CCDC3: variants seen among roughly 807,000 people sequenced by gnomAD.
The protein encoded by CCDC3 is coiled-coil domain-containing protein 3.
A neutral mutation model predicts 21.4 loss-of-function variants in CCDC3; 24 were observed. That is an observed-to-expected ratio of 1.12 (90% CI 0.81 to 1.58). The LOEUF is 1.58. Ranked by LOEUF, CCDC3 falls within the 40% of genes most tolerant of loss-of-function variation. CCDC3 has a pLI of 0.00. For missense variants in CCDC3, 425 were observed against 360.9 expected, an observed-to-expected ratio of 1.18 and a Z score of -1.44; for synonymous variants, 186 against 166.0, an observed-to-expected ratio of 1.12 and a Z score of -0.93.
intron 2 of CCDC3, among the ~76,000 whole-genome samples, chr10:12,987,346 C>T (rs558190077): frequency 7.2e-5 from 11 of 152,332 alleles, no homozygotes; most frequent in East Asian, 1.9e-4. Context: ...ATGGAATAAA[C>T]GCCCATCTGC....
chr10:12,953,920 A>G (rs1211589624), intron 2 of CCDC3, among the ~76,000 whole-genome samples: 2 of 152,112 alleles, frequency 1.3e-5, no homozygotes, highest in African/African-American at 4.8e-5. Flanking sequence ...TGTTGCAACT[A>G]CTCAACCATG....
chr10:13,095,581 T>C (rs1334446463), intron 3 of CCDC3, among the ~76,000 whole-genome samples: 3 of 152,206 alleles, frequency 2.0e-5, no homozygotes, highest in Non-Finnish European at 4.4e-5. Context: ...GCTGCTGATC[T>C]GACAAGAGGC....
intron 2 of CCDC3, among the ~76,000 whole-genome samples, chr10:12,942,852 A>T (rs115879428): frequency 0.021 from 3,204 of 152,184 alleles, 126 homozygotes; most frequent in African/African-American, 0.074. Flanking sequence ...TCTCTCGCCT[A>T]TTCAACCTTG....
rs538740274 is a variant in CCDC3 at position 13,043,797 on chromosome 10, A to G, written c.-2+5877T>C. Among the ~76,000 whole-genome samples, 19 of 152,278 alleles carry G rather than the reference A, an allele frequency of 1.2e-4. No homozygotes were observed. In the South Asian group the frequency reaches 2.9e-3, roughly 23 times the overall value. ...TGATTCCATGTCTTTGCTATTGTCAATATTGCTTGTGATGAACATATGATT... is the reference window on the plus strand; with the variant it reads ...TGATTCCATGTCTTTGCTATTGTCAGTATTGCTTGTGATGAACATATGATT... On this transcript the variant is annotated intron_variant, in intron 5 of 6. Transcript: ENST00000378839.
chr10:12,898,839 T>C (rs892950264), intron 2 of CCDC3, among the ~76,000 whole-genome samples, 160 bp from the exon 3 acceptor site: 1 of 152,118 alleles, frequency 6.6e-6, no homozygotes, highest in Non-Finnish European at 1.5e-5. Context: ...GACGGTGACA[T>C]TCCCCGCCCT....
intron 3 of CCDC3, among the ~76,000 whole-genome samples, chr10:13,090,034 G>GATATAT (rs66476163): frequency 1.2e-4 from 16 of 129,144 alleles, no homozygotes; most frequent in African/African-American, 4.3e-4. Flanking sequence ...TATTCCGTTA[G>GATATAT]ATATATATAT....
At chr10:12,965,619 T>C (rs186579827) in intron 2 of CCDC3, among the ~76,000 whole-genome samples, 125 of 152,360 alleles carry the variant, frequency 8.2e-4, no homozygotes, top group Non-Finnish European at 1.5e-3. Flanking sequence ...ACACTAATTT[T>C]TTGCTGTAAC....
At position 12,989,886 on chromosome 10, in the gene CCDC3, T is replaced by C. The variant is rs528618309; in HGVS notation, c.549+8452A>G. On this transcript the variant is annotated intron_variant, in intron 2 of 2. Coordinates refer to ENST00000378825, the MANE Select transcript of CCDC3 (RefSeq NM_031455.4). ...CGCAAATCAAGATAGTGGGACCAGA[T>C]GATTCTAGCAGTCATTGCATTCTTC... Among the ~76,000 whole-genome samples, 55 of 152,004 alleles carry C rather than the reference T, an allele frequency of 3.6e-4. 1 individual carries two copies. The South Asian group carries it at 0.011, about 29-fold the overall frequency.
rs1179186067 is a variant in CCDC3 at position 13,074,147 on chromosome 10, ATATATAT to A, written c.-502-54_-502-48del. 625 of 64,404 alleles carry A rather than the reference ATATATAT, an allele frequency of 9.7e-3. 4 individuals carry two copies. The highest frequency in any genetic ancestry group is 0.025 in the African/African-American group (423 of 16,764). The allele number at this position is 64,404 out of a possible 1,614,324, so 4.0% of individuals were successfully genotyped here. A position where few individuals can be genotyped will look rare whatever the true frequency, so the allele number is the denominator to read the frequency against. On this transcript the variant is annotated intron_variant, in intron 3 of 6. Transcript: ENST00000378839. ...GAATCAAATATATATATATATATAT[ATATATAT>A]TTTTTTTTTTTTTTTTTTTTGAGAC...
intron 5 of CCDC3, among the ~76,000 whole-genome samples, chr10:13,029,033 T>G (rs1836263451): frequency 6.6e-6 from 1 of 152,206 alleles, no homozygotes; most frequent in African/African-American, 2.4e-5. Flanking sequence ...AGTAGCCTGT[T>G]CGGCCACTAA....
At chr10:12,937,493 A>C (rs1439800735) in intron 2 of CCDC3, among the ~76,000 whole-genome samples, 1 of 152,076 alleles carries the variant, frequency 6.6e-6, no homozygotes, top group Non-Finnish European at 1.5e-5. Context: ...ACAGGGTCTC[A>C]ACTCTGTCAC....
intron 2 of CCDC3, among the ~76,000 whole-genome samples, chr10:12,908,192 C>A (rs986373849): frequency 6.6e-6 from 1 of 152,174 alleles, no homozygotes; most frequent in African/African-American, 2.4e-5. Flanking sequence ...CCAGGACACT[C>A]GTCTCATTAG....
chr10:13,019,816 T>C (rs866809366), intron 5 of CCDC3, among the ~76,000 whole-genome samples: 10 of 152,036 alleles, frequency 6.6e-5, no homozygotes, highest in Middle Eastern at 3.4e-3. Flanking sequence ...ACCAATATGG[T>C]GAAACCCCGT....
chr10:12,991,238 C>T (rs1477234135), intron 2 of CCDC3, among the ~76,000 whole-genome samples: 1 of 152,142 alleles, frequency 6.6e-6, no homozygotes, highest in Non-Finnish European at 1.5e-5. Flanking sequence ...TTTTGATCAT[C>T]AAAAAATAAA....
chr10:13,001,790 C>A (rs1208112633), upstream of CCDC3: 5 of 177,842 alleles, frequency 2.8e-5, no homozygotes, highest in African/African-American at 9.5e-5. Context: ...CGCCCTGCCC[C>A]CTGCGGCTGG....
chr10:12,920,525 C>T (rs979252876), intron 2 of CCDC3, among the ~76,000 whole-genome samples: 1 of 152,208 alleles, frequency 6.6e-6, no homozygotes, highest in African/African-American at 2.4e-5. Context: ...ATCTTCACTT[C>T]ATTCTGGTGA....
chr10:12,941,731 G>A (rs1400577738), intron 2 of CCDC3, among the ~76,000 whole-genome samples: 3 of 152,126 alleles, frequency 2.0e-5, no homozygotes, highest in Non-Finnish European at 4.4e-5. Flanking sequence ...AACTGGGTTG[G>A]GAAACCACTG....
intron 2 of CCDC3, among the ~76,000 whole-genome samples, chr10:12,975,602 C>T (rs1835405658): frequency 6.6e-6 from 1 of 152,194 alleles, no homozygotes; most frequent in African/African-American, 2.4e-5. Context: ...GCAGCAGGGA[C>T]TCTGGACAGA....
chr10:13,087,654 C>T (rs897399346), intron 3 of CCDC3, among the ~76,000 whole-genome samples: 3 of 151,996 alleles, frequency 2.0e-5, no homozygotes, highest in African/African-American at 7.3e-5. Flanking sequence ...TTCCTCCCTA[C>T]TATAAAAGGA....
Sources: allele counts gnomAD v4.1 joint callset (sites outside exome capture counted in the v4.1 genomes callset), GRCh38; gene constraint gnomAD v4.1.1; transcripts MANE v1.5; gene names NCBI Gene and HGNC (gene_info 2026-07-23, HGNC 2026-07-21).